OAF: variants seen among roughly 807,000 people sequenced by gnomAD.
The protein encoded by OAF is out at first protein homolog.
In OAF, 13 loss-of-function variants were observed where a neutral mutation model predicts 22.5. That is an observed-to-expected ratio of 0.58 (90% confidence interval 0.38 to 0.92). The LOEUF (loss-of-function observed/expected upper bound fraction) is 0.92. OAF is among the 40% of genes least tolerant of loss of function. The probability of loss-of-function intolerance (pLI) is 0.00; values close to 1 mark genes in which losing one functional copy is unlikely to be tolerated. For synonymous variants in OAF, 175 were observed against 170.5 expected, an observed-to-expected ratio of 1.03 and a Z score of -0.21; for missense variants, 347 against 381.8, an observed-to-expected ratio of 0.91 and a Z score of 0.76.
At chr11:120,212,645 C>A (rs1291001368) in intron 1 of OAF, among the ~76,000 whole-genome samples, 3 of 150,600 alleles carry the variant, frequency 2.0e-5, no homozygotes, top group African/African-American at 7.3e-5. Flanking sequence ...AGACAGGGCG[C>A]TTTAGAGGAG....
rs1938400657 is a variant in OAF, at chr11:120,229,070, G to A, written c.750G>A (p.Lys250=). 1 of 1,613,720 alleles carries A rather than the reference G, an allele frequency of 6.2e-7. No homozygotes were observed. Among genetic ancestry groups the A allele is most frequent in the African/African-American group, 1.3e-5 (1 of 75,038 alleles). The change falls in exon 4 of 4, where the codon AAG becomes AAA. Residue 250 remains lysine, a synonymous_variant. Transcript: ENST00000328965. ...AGTGTGGCATCCGCAGCTGCCAGAA[G>A]AGCTACAGCTTCGACTTCTACGTGC... ...PYKCGIRSCQ[K]SYSFDFYVPQ...
rs1054311822 is a variant in OAF, at chr11:120,211,272, C to T, written c.-8C>T. On this transcript the variant is annotated 5_prime_UTR_variant, in exon 1 of 4. Transcript: ENST00000328965. ...CGCCGGGGCCGCGGACGGCAGCGGC[C>T]CCCGGGGATGCGCCTTCCCGGGGTA... The T allele has an allele frequency of 8.2e-6, 10 of 1,220,000 alleles. No individual in the cohort carries two copies. The African/African-American group carries it at 1.4e-4, about 17-fold the overall frequency. The allele number at this position is 1,220,000 out of a possible 1,614,324, so 75.6% of individuals were successfully genotyped here. A position where few individuals can be genotyped will look rare whatever the true frequency, so the allele number is the denominator to read the frequency against.
rs572837433 is a variant in OAF at position 120,211,495 on chromosome 11, C to T, written c.216C>T (p.Thr72=). 5.4e-5 allele frequency: 80 copies of T among 1,471,708 alleles called. No individual in the cohort carries two copies. The African/African-American group carries it at 1.1e-3, about 20-fold the overall frequency. 91.2% of individuals were successfully genotyped at this position (1,471,708 alleles called of 1,614,324 possible). The stretch of plus-strand genomic sequence containing the variant: ...CCGACGGCACCCTCGTCTCCTTCAC[C>T]GCCGACTTCAAGAAGGTGAGGCGCC... ...RKPDGTLVSF[T]ADFKKDVKVF... is the part of the protein sequence containing the mutation. Residue 72 remains threonine, a synonymous_variant, in exon 1 of 4, where the codon ACC becomes ACT. Coordinates refer to ENST00000328965, the MANE Select transcript of OAF (RefSeq NM_178507.4).
At position 120,230,059 on chromosome 11, in the gene OAF, T is replaced by G. The variant is rs1245635863; in HGVS notation, c.*917T>G. The G allele has an allele frequency of 1.3e-5, 2 of 152,218 alleles. No homozygotes were observed. Among genetic ancestry groups the G allele is most frequent in the Non-Finnish European group, 2.9e-5 (2 of 68,046 alleles). The allele number at this position is 152,218 out of a possible 1,614,324, so 9.4% of individuals were successfully genotyped here. On this transcript the variant is annotated 3_prime_UTR_variant, in exon 4 of 4. Coordinates refer to ENST00000328965, the MANE Select transcript of OAF (RefSeq NM_178507.4). ...GAACAAGAACTTCGAAAGCACCTAC[T>G]GTGTGCTCAGCCATTTGAGGAAGGA...
chr11:120,222,167 G>T (rs368854287), intron 1 of OAF, among the ~76,000 whole-genome samples: 2 of 152,198 alleles, frequency 1.3e-5, no homozygotes, highest in Admixed American at 1.3e-4. Flanking sequence ...AGGGACACTG[G>T]TCAGGATGAT....
At chr11:120,227,930 C>T (rs903333909) in intron 3 of OAF, among the ~76,000 whole-genome samples, 3 of 152,086 alleles carry the variant, frequency 2.0e-5, no homozygotes, top group African/African-American at 7.2e-5. Context: ...CCCTCCCATA[C>T]AGCCCCTGAG....
At chr11:120,225,490 C>T (rs114947287) in intron 1 of OAF, among the ~76,000 whole-genome samples, 171 bp from the exon 2 acceptor site, 235 of 152,242 alleles carry the variant, frequency 1.5e-3, no homozygotes, top group African/African-American at 5.5e-3. Context: ...TTCTTTCTTT[C>T]AAGTCACGGG....
chr11:120,214,229 C>T (rs764938054), intron 1 of OAF, among the ~76,000 whole-genome samples: 1 of 152,348 alleles, frequency 6.6e-6, no homozygotes. Context: ...GCTACTTGAT[C>T]TCTCCAGACC....
At chr11:120,228,844 CT>C in intron 3 of OAF, 23 bp from the exon 4 acceptor site, 1 of 1,411,580 alleles carries the variant, frequency 7.1e-7, no homozygotes, top group Admixed American at 1.7e-5. Context: ...CCCTCCCTCC[CT>C]GATCCTTGCC....
chr11:120,211,275 CG>C lies in OAF; in HGVS notation c.-1del. Reference sequence around the variant, plus strand: ...CGGGGCCGCGGACGGCAGCGGCCCCCGGGGATGCGCCTTCCCGGGGTACCCC... The same window carrying C: ...CGGGGCCGCGGACGGCAGCGGCCCCCGGGATGCGCCTTCCCGGGGTACCCC... On this transcript the variant is annotated 5_prime_UTR_variant, in exon 1 of 4. Transcript: ENST00000328965. 8.2e-7 allele frequency: 1 copy of C among 1,222,172 alleles called. No homozygotes were observed. 75.7% of individuals were successfully genotyped at this position (1,222,172 alleles called of 1,614,324 possible). A position where few individuals can be genotyped will look rare whatever the true frequency, so the allele number is the denominator to read the frequency against.
At chr11:120,225,900 C>T (rs527332287) in intron 2 of OAF, 105 bp downstream of exon 2, 2 of 946,458 alleles carry the variant, frequency 2.1e-6, no homozygotes, top group African/African-American at 1.7e-5. Flanking sequence ...GCAGACCCGA[C>T]CCCTGCAGCC....
At chr11:120,218,131 AC>A (rs1938235742) in intron 1 of OAF, among the ~76,000 whole-genome samples, 3 of 2,182 alleles carry the variant, frequency 1.4e-3, no homozygotes, top group African/African-American at 6.4e-3. Flanking sequence ...CTGACAGAGC[AC>A]TGCTCTGGGG....
chr11:120,219,053 G>T (rs1292070092), intron 1 of OAF, among the ~76,000 whole-genome samples: 1 of 149,444 alleles, frequency 6.7e-6, no homozygotes, highest in Admixed American at 6.7e-5. Context: ...GGAGAATCGA[G>T]CAAGTGAGGA....
chr11:120,216,621 C>A (rs774432001), intron 1 of OAF, among the ~76,000 whole-genome samples: 5 of 152,190 alleles, frequency 3.3e-5, no homozygotes, highest in Non-Finnish European at 5.9e-5. Context: ...AGGGTTCAGA[C>A]CCCCTCCCGG....
intron 1 of OAF, among the ~76,000 whole-genome samples, chr11:120,220,275 G>T (rs1158804515): frequency 6.6e-6 from 1 of 152,130 alleles, no homozygotes; most frequent in Non-Finnish European, 1.5e-5. Context: ...TCCTCAGCCT[G>T]GTTCAGACCC....
At chr11:120,226,418 C>T (rs752598540) in intron 2 of OAF, among the ~76,000 whole-genome samples, 1 of 152,246 alleles carries the variant, frequency 6.6e-6, no homozygotes, top group Non-Finnish European at 1.5e-5. Flanking sequence ...GGGGCCTCCT[C>T]GCCCCTGCGC....
intron 1 of OAF, among the ~76,000 whole-genome samples, chr11:120,214,742 G>A (rs747902304): frequency 2.0e-5 from 3 of 152,204 alleles, no homozygotes; most frequent in East Asian, 1.9e-4. Flanking sequence ...GGACCTTGAC[G>A]CAGCAAAGCA....
intron 2 of OAF, among the ~76,000 whole-genome samples, chr11:120,226,016 C>T (rs1359808306): frequency 2.0e-5 from 3 of 152,180 alleles, no homozygotes; most frequent in African/African-American, 7.2e-5. Context: ...ATCCCTGGTA[C>T]CCCATTCACC....
chr11:120,229,136 A>G lies in OAF; in HGVS notation c.816A>G (p.Pro272=), dbSNP rs555324500. The part of the protein sequence containing the change: ...QLCLWDEDPY[P]G Reference sequence around the variant, plus strand: ...GTCTCTGGGATGAGGATCCCTACCCAGGCTAGGGTGGGAGCAACCTGGCGG... The same window carrying G: ...GTCTCTGGGATGAGGATCCCTACCCGGGCTAGGGTGGGAGCAACCTGGCGG... The change falls in exon 4 of 4, where the codon CCA becomes CCG. Residue 272 remains proline (P), a synonymous_variant. Coordinates refer to ENST00000328965, the MANE Select transcript of OAF (RefSeq NM_178507.4). The G allele has an allele frequency of 2.5e-6, 4 of 1,609,548 alleles. No homozygotes were observed. Among genetic ancestry groups the G allele is most frequent in the Non-Finnish European group, 3.4e-6 (4 of 1,177,178 alleles).
Sources: gnomAD v4.1 joint callset for allele counts (sites outside exome capture counted in the v4.1 genomes callset) on GRCh38, gnomAD v4.1.1 for gene constraint, MANE v1.5 for transcripts, NCBI Gene and HGNC (gene_info 2026-07-23, HGNC 2026-07-21) for gene names.